RBMS3: variants seen among roughly 807,000 people sequenced by gnomAD.
RBMS3 encodes RNA binding motif single stranded interacting protein 3, also known as RNA-binding motif, single-stranded-interacting protein 3.
RBMS3 carries 27 observed loss-of-function variants against 66.8 expected under a neutral mutation model. The observed-to-expected ratio is 0.40, with a 90% CI of 0.30 to 0.56. The LOEUF (loss-of-function observed/expected upper bound fraction) is 0.56. Among genes scored for constraint, RBMS3 ranks in the 20% least tolerant of loss-of-function variants. The pLI, the probability that RBMS3 is intolerant of heterozygous loss-of-function variation, is 0.40. For missense variants in RBMS3, 513 were observed against 549.5 expected (o/e 0.93, Z 0.66); for synonymous variants, 188 against 183.0 (o/e 1.03, Z -0.22).
chr3:29,350,807 C>T (rs1452126823), intron 1 of RBMS3, among the ~76,000 whole-genome samples: 2 of 151,780 alleles, frequency 1.3e-5, no homozygotes, highest in Non-Finnish European at 2.9e-5. Context: ...TCATAATCTA[C>T]TGCACAGATA....
chr3:29,692,672 G>C (rs1030995), intron 4 of RBMS3, among the ~76,000 whole-genome samples: 69,872 of 151,600 alleles, frequency 0.46, 16,790 homozygotes, highest in South Asian at 0.55. Context: ...TTATCCTCAT[G>C]ATCCATAGCG....
chr3:29,944,188 A>AT lies in RBMS3; in HGVS notation c.1051-18dup. 1 of 1,568,764 alleles carries AT rather than the reference A, an allele frequency of 6.4e-7. No individual in the cohort carries two copies. Reference sequence around the variant, plus strand: ...TTTGTACTTCATTGCATTCTTTCTCATGCTCTTTTCATTCAAAGATTCAAT... The same window carrying AT: ...TTTGTACTTCATTGCATTCTTTCTCATTGCTCTTTTCATTCAAAGATTCAAT... On this transcript the variant is annotated intron_variant, in intron 11 of 14. Transcript: ENST00000383767.
chr3:29,797,708 A>G (rs984950608), intron 6 of RBMS3: 17 of 152,184 alleles, frequency 1.1e-4, no homozygotes, highest in African/African-American at 3.9e-4. Context: ...ATAATGAATA[A>G]TGATAATATT....
chr3:29,534,956 A>G (rs2045497688), intron 3 of RBMS3, among the ~76,000 whole-genome samples: 1 of 152,174 alleles, frequency 6.6e-6, no homozygotes, highest in Admixed American at 6.5e-5. Flanking sequence ...AAGAAAAAAA[A>G]AACACAGTCA....
chr3:29,613,798 C>T (rs1026228388), intron 4 of RBMS3, among the ~76,000 whole-genome samples: 1 of 152,050 alleles, frequency 6.6e-6, no homozygotes, highest in Non-Finnish European at 1.5e-5. Context: ...AATGTGATAT[C>T]ACCTCATACC....
intron 4 of RBMS3, among the ~76,000 whole-genome samples, chr3:29,599,197 G>C (rs1348012675): frequency 1.3e-5 from 2 of 150,006 alleles, no homozygotes; most frequent in Non-Finnish European, 3.0e-5. Context: ...TAACATAATA[G>C]GGTATCTGTA....
At chr3:29,840,834 A>G (rs1216196474) in intron 6 of RBMS3, among the ~76,000 whole-genome samples, 1 of 151,872 alleles carries the variant, frequency 6.6e-6, no homozygotes, top group Non-Finnish European at 1.5e-5. Context: ...TATAAAATAT[A>G]TTTGCTCCCA....
chr3:29,996,808 G>T (rs533263647), intron 14 of RBMS3, among the ~76,000 whole-genome samples: 136 of 152,192 alleles, frequency 8.9e-4, no homozygotes, highest in South Asian at 6.4e-3. Flanking sequence ...GCCCACAAGA[G>T]AAAGCAGGAA....
intron 4 of RBMS3, among the ~76,000 whole-genome samples, chr3:29,731,636 T>C (rs1162338672): frequency 6.6e-6 from 1 of 152,192 alleles, no homozygotes; most frequent in African/African-American, 2.4e-5. Flanking sequence ...TAAGGCATCT[T>C]ACTTTGCCTA....
At chr3:29,997,266 G>C (rs1471036967) in intron 14 of RBMS3, among the ~76,000 whole-genome samples, 1 of 152,106 alleles carries the variant, frequency 6.6e-6, no homozygotes, top group South Asian at 2.1e-4. Flanking sequence ...TGAAATTGTG[G>C]CAATAATCAA....
chr3:29,530,076 C>T (rs1459007435), intron 3 of RBMS3, among the ~76,000 whole-genome samples: 2 of 152,180 alleles, frequency 1.3e-5, no homozygotes, highest in African/African-American at 4.8e-5. Context: ...TAGGCATCCC[C>T]TGCCGTACAC....
At chr3:29,362,608 C>A (rs139088917) in intron 1 of RBMS3, among the ~76,000 whole-genome samples, 1 of 152,082 alleles carries the variant, frequency 6.6e-6, no homozygotes, top group African/African-American at 2.4e-5. Context: ...CCATCTTCTG[C>A]GTCACTCACA....
chr3:29,884,422 T>TTTTCTCTCTCTCTCTC lies in RBMS3; in HGVS notation c.791+215_791+216insTTCTCTCTCTCTCTCT, dbSNP rs777331613. The stretch of plus-strand genomic sequence containing the variant: ...ATGCCTCTGCCCACATTAAACCCTG[T>TTTTCTCTCTCTCTCTC]TCTCTCTCTCTCTCTCTCTCTCTCT... On this transcript the variant is annotated intron_variant, in intron 8 of 14. Transcript: ENST00000383767. Among the ~76,000 whole-genome samples, 56 of 41,876 alleles carry TTTTCTCTCTCTCTCTC rather than the reference T, an allele frequency of 1.3e-3. 4 individuals carry two copies. Among genetic ancestry groups the TTTTCTCTCTCTCTCTC allele is most frequent in the African/African-American group, 5.7e-3 (55 of 9,680 alleles). 27.5% of individuals were successfully genotyped at this position (41,876 alleles called of 152,430 possible). A position where few individuals can be genotyped will look rare whatever the true frequency, so the allele number is the denominator to read the frequency against.
chr3:29,424,230 A>G (rs1166131165), intron 1 of RBMS3, among the ~76,000 whole-genome samples: 1 of 152,222 alleles, frequency 6.6e-6, no homozygotes, highest in Non-Finnish European at 1.5e-5. Flanking sequence ...TGGGATTTGG[A>G]TAAATAGAAA....
chr3:29,606,883 T>G (rs1302967358), intron 4 of RBMS3, among the ~76,000 whole-genome samples: 2 of 151,950 alleles, frequency 1.3e-5, no homozygotes. Flanking sequence ...AATTGAAAAT[T>G]TTTCCATTGT....
At chr3:29,516,151 T>A (rs1239031900) in intron 3 of RBMS3, among the ~76,000 whole-genome samples, 3 of 152,186 alleles carry the variant, frequency 2.0e-5, no homozygotes, top group African/African-American at 7.2e-5. Flanking sequence ...AAGATACTGT[T>A]GTTTCTGACT....
At chr3:29,454,656 GAAGT>G (rs1353839210) in intron 2 of RBMS3, among the ~76,000 whole-genome samples, 1 of 152,170 alleles carries the variant, frequency 6.6e-6, no homozygotes, top group East Asian at 1.9e-4. Flanking sequence ...TAACATAAAT[GAAGT>G]AAGTAGAATG....
chr3:29,855,677 A>T (rs1037430721), intron 6 of RBMS3, among the ~76,000 whole-genome samples: 1 of 152,232 alleles, frequency 6.6e-6, no homozygotes, highest in East Asian at 1.9e-4. Flanking sequence ...GAGACTCTTT[A>T]TGCAGATATT....
chr3:29,563,304 G>A (rs1040082930), intron 3 of RBMS3, among the ~76,000 whole-genome samples: 4 of 152,114 alleles, frequency 2.6e-5, no homozygotes, highest in Admixed American at 2.0e-4. Flanking sequence ...ACATATTAAC[G>A]GACAAAACAC....
Sources: allele counts gnomAD v4.1 joint callset (sites outside exome capture counted in the v4.1 genomes callset), GRCh38; gene constraint gnomAD v4.1.1; transcripts MANE v1.5; gene names NCBI Gene and HGNC (gene_info 2026-07-23, HGNC 2026-07-21).